Variants in ALMS1 observed in about 807,000 individuals in gnomAD.
The protein encoded by ALMS1 is centrosome-associated protein ALMS1.
Under a neutral mutation model 352.2 loss-of-function variants are expected in ALMS1, and 271 were observed. That is an observed-to-expected ratio of 0.77 (90% CI 0.70 to 0.85). The LOEUF (loss-of-function observed/expected upper bound fraction) is 0.85. Ranked by LOEUF, ALMS1 falls within the 40% of genes least tolerant of loss-of-function variation. The probability of loss-of-function intolerance (pLI) is 0.00; values close to 1 mark genes in which losing one functional copy is unlikely to be tolerated. For missense variants in ALMS1, 5,445 were observed against 4,870.7 expected (o/e 1.12, Z -3.51); for synonymous variants, 1,865 against 1,761.2 (o/e 1.06, Z -1.48).
rs2103778870 is a variant in ALMS1 at position 73,449,941 on chromosome 2, T to C, written c.3414T>C (p.Thr1138=). ...GLADQKTGTP[T]VTSTSYSQHR... ...CAGACCAGAAGACTGGCACACCAAC[T>C]GTAACCTCAACTTCCTACTCACAAC... The change falls in exon 8 of 23, where the codon ACT becomes ACC. Residue 1138 remains threonine (T), a synonymous_variant. Transcript: ENST00000613296. 6.2e-7 allele frequency: 1 copy of C among 1,613,892 alleles called. No homozygotes were observed. Among genetic ancestry groups the C allele is most frequent in the Non-Finnish European group, 8.5e-7 (1 of 1,179,954 alleles).
intron 9 of ALMS1, among the ~76,000 whole-genome samples, chr2:73,482,187 G>C (rs555319514): frequency 9.9e-5 from 15 of 152,150 alleles, no homozygotes; most frequent in South Asian, 2.1e-4. Context: ...CAGTTTTTGG[G>C]CATTCAGTAT....
rs750867935 is a variant in ALMS1 at position 73,453,763 on chromosome 2, A to C, written c.7236A>C (p.Lys2412Asn). The C allele has an allele frequency of 2.5e-6, 4 of 1,614,030 alleles. No homozygotes were observed. In the South Asian group the frequency reaches 4.4e-5, roughly 18 times the overall value. ...KIIIPMMTVI[K>N]SDSSSDASDG... is the part of the protein sequence containing the mutation. ...TTATCCCTATGATGACTGTCATAAA[A>C]AGTGATTCAAGTAGTGATGCCAGTG... The change falls in exon 8 of 23, where the codon AAA becomes AAC. Residue 2412 changes from lysine to asparagine, a missense_variant. Lys to Asn is a moderately conservative substitution (Grantham distance 94). Coordinates refer to ENST00000613296, the MANE Select transcript of ALMS1 (RefSeq NM_001378454.1).
intron 9 of ALMS1, among the ~76,000 whole-genome samples, chr2:73,488,216 C>G (rs1672897302): frequency 6.6e-6 from 1 of 152,216 alleles, no homozygotes; most frequent in Admixed American, 6.5e-5. Context: ...CAGGCCCACT[C>G]TGAGCTGCCC....
chr2:73,395,078 A>ATATTTT (rs1243905312), intron 1 of ALMS1, among the ~76,000 whole-genome samples: 1 of 101,352 alleles, frequency 9.9e-6, no homozygotes. Context: ...ATATATATAT[A>ATATTTT]TTTTTTTTTT....
At chr2:73,510,035 C>T (rs1045723803) in intron 10 of ALMS1, among the ~76,000 whole-genome samples, 1 of 152,118 alleles carries the variant, frequency 6.6e-6, no homozygotes, top group South Asian at 2.1e-4. Context: ...GTATGCTTCT[C>T]GAATTTCTCA....
chr2:73,430,836 T>C (rs900171164), intron 6 of ALMS1, among the ~76,000 whole-genome samples: 13 of 152,134 alleles, frequency 8.5e-5, no homozygotes, highest in African/African-American at 2.9e-4. Context: ...TGACAGCACA[T>C]TTCTCAGAAC....
intron 11 of ALMS1, among the ~76,000 whole-genome samples, chr2:73,533,812 C>T (rs11688718): frequency 0.45 from 67,980 of 152,040 alleles, 17,151 homozygotes; most frequent in African/African-American, 0.7. Context: ...TGACTATACA[C>T]GTGCTGTTGG....
intron 11 of ALMS1, among the ~76,000 whole-genome samples, chr2:73,534,316 G>A (rs1673982091): frequency 6.6e-6 from 1 of 152,026 alleles, no homozygotes; most frequent in South Asian, 2.1e-4. Flanking sequence ...ATGTTTTGAA[G>A]CCCTGTCACA....
At chr2:73,395,886 A>G (rs1278745098) in intron 1 of ALMS1, among the ~76,000 whole-genome samples, 5 of 152,136 alleles carry the variant, frequency 3.3e-5, no homozygotes, top group Admixed American at 1.3e-4. Context: ...GGGGTGTCCA[A>G]TCTTTTGGCT....
Position 73,550,271 on chromosome 2 carries a change from C to A in ALMS1, c.9912C>A (p.Ser3304=). Reference sequence around the variant, plus strand: ...TACTTCCCCGTTTTTCTGTAGGATCCAATGATGCCATTGCTCCAGACTTCC... The same window carrying A: ...TACTTCCCCGTTTTTCTGTAGGATCAAATGATGCCATTGCTCCAGACTTCC... The part of the protein sequence containing the change: ...DTTVESSHSG[S]NDAIAPDFPA... Residue 3304 remains serine, a synonymous_variant, in exon 13 of 23, where the codon TCC becomes TCA. Coordinates refer to ENST00000613296, the MANE Select transcript of ALMS1 (RefSeq NM_001378454.1). 6.2e-7 allele frequency: 1 copy of A among 1,614,020 alleles called. No homozygotes were observed. The highest frequency in any genetic ancestry group is 1.1e-5 in the South Asian group (1 of 91,038).
chr2:73,596,540 C>T (rs1233668968), intron 16 of ALMS1, among the ~76,000 whole-genome samples: 3 of 151,032 alleles, frequency 2.0e-5, no homozygotes, highest in African/African-American at 4.9e-5. Context: ...GGCACAATCT[C>T]GGCACACTGC....
At chr2:73,395,079 T>TATATATA (rs1491525344) in intron 1 of ALMS1, among the ~76,000 whole-genome samples, 3 of 84,330 alleles carry the variant, frequency 3.6e-5, no homozygotes, top group African/African-American at 1.8e-4. Context: ...TATATATATA[T>TATATATA]TTTTTTTTTT....
At chr2:73,496,678 G>T (rs1673115182) in intron 10 of ALMS1, among the ~76,000 whole-genome samples, 1 of 152,132 alleles carries the variant, frequency 6.6e-6, no homozygotes, top group African/African-American at 2.4e-5. Flanking sequence ...CAGAGTGTCT[G>T]TATCATTTTG....
At chr2:73,425,013 G>GCTTTTAGTTAAA in intron 5 of ALMS1, 111 bp downstream of exon 5, 1 of 931,792 alleles carries the variant, frequency 1.1e-6, no homozygotes. Context: ...ATGGAACAAA[G>GCTTTTAGTTAAA]AGGGAACTTT....
intron 1 of ALMS1, among the ~76,000 whole-genome samples, chr2:73,395,078 A>ATAT (rs1243905312): frequency 2.6e-4 from 26 of 101,330 alleles, no homozygotes; most frequent in East Asian, 9.9e-4. Context: ...ATATATATAT[A>ATAT]TTTTTTTTTT....
intron 1 of ALMS1, among the ~76,000 whole-genome samples, chr2:73,390,811 C>A (rs775574780): frequency 6.9e-4 from 105 of 151,860 alleles, no homozygotes; most frequent in Non-Finnish European, 1.2e-3. Flanking sequence ...GCTTTTGTCA[C>A]CAGGCTGGAG....
Position 73,559,094 on chromosome 2 carries a change from G to C in ALMS1, c.10336G>C (p.Glu3446Gln). Residue 3446 changes from glutamate (E) to glutamine (Q), a missense_variant, in exon 15 of 23, where the codon GAG (glutamate) becomes CAG (glutamine). By Grantham distance (29) the Glu-to-Gln change is conservative. Transcript: ENST00000613296. ...GATCCATAGGAAGAAGACAGTTCCC[G>C]AGGAAGCCTGGCCAAACAATAAAGA... ...EEIHRKKTVP[E>Q]EAWPNNKESL... 1 of 1,613,894 alleles carries C rather than the reference G, an allele frequency of 6.2e-7. No homozygotes were observed. Among genetic ancestry groups the C allele is most frequent in the Non-Finnish European group, 8.5e-7 (1 of 1,179,920 alleles).
chr2:73,558,866 T>G, intron 14 of ALMS1, 106 bp from the exon 15 acceptor site: 7 of 1,245,048 alleles, frequency 5.6e-6, no homozygotes, highest in Non-Finnish European at 7.8e-6. Flanking sequence ...TCTTTTTTCT[T>G]CAATATCAGT....
intron 7 of ALMS1, among the ~76,000 whole-genome samples, chr2:73,446,855 C>T (rs1458314640): frequency 6.6e-6 from 1 of 152,116 alleles, no homozygotes; most frequent in Non-Finnish European, 1.5e-5. Context: ...TCAGAATCTG[C>T]AAGTTAACAA....
Sources: gnomAD v4.1 joint callset for allele counts (sites outside exome capture counted in the v4.1 genomes callset) on GRCh38, gnomAD v4.1.1 for gene constraint, MANE v1.5 for transcripts, NCBI Gene and HGNC (gene_info 2026-07-23, HGNC 2026-07-21) for gene names.